Variants in PRKD1 observed in about 807,000 individuals in gnomAD.
The protein encoded by PRKD1 is serine/threonine-protein kinase D1.
PRKD1 carries 63 observed loss-of-function variants against 95.9 expected under a neutral mutation model. That is an observed-to-expected ratio of 0.66 (90% CI 0.54 to 0.81). The LOEUF is 0.81. Among genes scored for constraint, PRKD1 ranks in the 30% least tolerant of loss-of-function variants. The probability of loss-of-function intolerance (pLI) is 0.00; values close to 1 mark genes in which losing one functional copy is unlikely to be tolerated. For synonymous variants in PRKD1, 425 were observed against 423.1 expected, an observed-to-expected ratio of 1.00 and a Z score of -0.05; for missense variants, 1,048 against 1,165.3, an observed-to-expected ratio of 0.90 and a Z score of 1.47.
intron 1 of PRKD1, among the ~76,000 whole-genome samples, chr14:29,776,012 G>C (rs567964348): frequency 6.6e-6 from 1 of 152,108 alleles, no homozygotes; most frequent in East Asian, 1.9e-4. Flanking sequence ...TGCAGCCTCC[G>C]TTGGTGGTAC....
intron 1 of PRKD1, among the ~76,000 whole-genome samples, chr14:29,735,358 T>C (rs908156471): frequency 1.3e-5 from 2 of 152,218 alleles, no homozygotes; most frequent in African/African-American, 2.4e-5. Context: ...AGGTTGTCCC[T>C]GATTAGAAAA....
intron 7 of PRKD1, among the ~76,000 whole-genome samples, chr14:29,635,884 T>C (rs192560115): frequency 4.1e-4 from 63 of 152,258 alleles, no homozygotes; most frequent in African/African-American, 1.4e-3. Context: ...AACAGTGAAG[T>C]GTACACAGAC....
At chr14:29,671,287 T>G (rs754772484) in intron 2 of PRKD1, among the ~76,000 whole-genome samples, 1 of 152,106 alleles carries the variant, frequency 6.6e-6, no homozygotes, top group Non-Finnish European at 1.5e-5. Context: ...GGGAACTGTC[T>G]GATGAGCTCA....
chr14:29,706,514 C>T (rs930407800), intron 2 of PRKD1, among the ~76,000 whole-genome samples: 27 of 152,034 alleles, frequency 1.8e-4, no homozygotes, highest in African/African-American at 6.5e-4. Flanking sequence ...AATTTAAATT[C>T]AAATCTGACT....
intron 4 of PRKD1, among the ~76,000 whole-genome samples, chr14:29,661,916 A>G (rs1484254951): frequency 1.3e-5 from 2 of 152,204 alleles, no homozygotes; most frequent in African/African-American, 4.8e-5. Flanking sequence ...TATAAAATAG[A>G]TTTTAAGCAT....
intron 1 of PRKD1, among the ~76,000 whole-genome samples, chr14:29,877,607 T>A (rs1893346407): frequency 6.6e-6 from 1 of 152,188 alleles, no homozygotes; most frequent in Non-Finnish European, 1.5e-5. Flanking sequence ...TCTTCCAGGG[T>A]TTTTATAGTT....
At chr14:29,927,227 T>C in intron 1 of PRKD1, 22 bp downstream of exon 1, 1 of 1,475,582 alleles carries the variant, frequency 6.8e-7, no homozygotes, top group Non-Finnish European at 9.0e-7. Context: ...GGCGCCGGGC[T>C]GGCAGCGGTG....
chr14:29,767,828 CAAT>C (rs1888323580), intron 1 of PRKD1, among the ~76,000 whole-genome samples: 4 of 152,110 alleles, frequency 2.6e-5, no homozygotes, highest in Admixed American at 2.6e-4. Flanking sequence ...ATTTCAATCA[CAAT>C]AATATTTTGT....
intron 1 of PRKD1, among the ~76,000 whole-genome samples, chr14:29,766,994 C>A (rs1555342847): frequency 6.6e-6 from 1 of 152,076 alleles, no homozygotes; most frequent in African/African-American, 2.4e-5. Flanking sequence ...TTATTTATGA[C>A]ACACTCTCAA....
chr14:29,684,200 G>T (rs1488195512), intron 2 of PRKD1, among the ~76,000 whole-genome samples: 1 of 150,494 alleles, frequency 6.6e-6, no homozygotes, highest in East Asian at 1.9e-4. Flanking sequence ...GCCCAGGCTG[G>T]AGTGAAGTGG....
At chr14:29,751,402 A>C (rs988679870) in intron 1 of PRKD1, among the ~76,000 whole-genome samples, 1 of 152,140 alleles carries the variant, frequency 6.6e-6, no homozygotes, top group Admixed American at 6.5e-5. Context: ...TGAGGCATGC[A>C]CATTAAGCTC....
At chr14:29,594,239 T>C (rs1024262565) in intron 16 of PRKD1, 1 of 382,270 alleles carries the variant, frequency 2.6e-6, no homozygotes, top group Non-Finnish European at 5.1e-6. Flanking sequence ...GTTATTAAGA[T>C]TGTAACTTAT....
rs777521591 is a variant in PRKD1 at position 29,577,261 on chromosome 14, C to T, written c.2716G>A (p.Gly906Ser). 1.0e-4 allele frequency: 161 copies of T among 1,613,252 alleles called. No individual in the cohort carries two copies. Among genetic ancestry groups the T allele is most frequent in the Non-Finnish European group, 1.3e-4 (149 of 1,179,620 alleles). The change falls in exon 18 of 18, where the codon GGT becomes AGT. Residue 906 changes from glycine to serine, a missense_variant. This residue lies in a region of PRKD1 where 739 missense variants were observed against 861.9 expected (regional missense o/e 0.86). Coordinates refer to ENST00000331968, the MANE Select transcript of PRKD1 (RefSeq NM_002742.3). Reference protein sequence around the residue: ...ETEETEMKALGERVSIL With the variant: ...ETEETEMKALSERVSIL ...ACTCAGAGGATGCTGACACGCTCAC[C>T]GAGGGCTTTCATTTCTGTTTCTTCA...
chr14:29,626,598 C>T (rs757383653), intron 11 of PRKD1, 42 bp from the exon 12 acceptor site: 2 of 1,325,022 alleles, frequency 1.5e-6, no homozygotes, highest in South Asian at 3.2e-5. Context: ...TGAAGCAGAA[C>T]AAAACATTAG....
At chr14:29,758,604 C>G (rs11848573) in intron 1 of PRKD1, among the ~76,000 whole-genome samples, 33,963 of 152,074 alleles carry the variant, frequency 0.22, 4,021 homozygotes, top group African/African-American at 0.27. Flanking sequence ...ATCTTATTTG[C>G]AAAAGGTCAA....
chr14:29,872,868 C>G (rs189948564), intron 1 of PRKD1, among the ~76,000 whole-genome samples: 1 of 152,210 alleles, frequency 6.6e-6, no homozygotes, highest in Non-Finnish European at 1.5e-5. Flanking sequence ...AGCCATTTGT[C>G]AGTTTCCCTT....
intron 1 of PRKD1, among the ~76,000 whole-genome samples, chr14:29,903,305 T>A (rs1894383835): frequency 6.6e-6 from 1 of 152,216 alleles, no homozygotes; most frequent in South Asian, 2.1e-4. Flanking sequence ...CTGCATTTCA[T>A]TAATGCAATA....
chr14:29,704,104 G>C (rs1038452395), intron 2 of PRKD1, among the ~76,000 whole-genome samples: 2 of 152,090 alleles, frequency 1.3e-5, no homozygotes, highest in African/African-American at 4.8e-5. Context: ...TCGACAAAGA[G>C]TTTTTGGACT....
chr14:29,794,144 T>A (rs1369685269), intron 1 of PRKD1, among the ~76,000 whole-genome samples: 1 of 152,080 alleles, frequency 6.6e-6, no homozygotes, highest in Non-Finnish European at 1.5e-5. Flanking sequence ...AAAAGGAGGC[T>A]CAGAATTTTT....
Sources: gnomAD v4.1 joint callset for allele counts (sites outside exome capture counted in the v4.1 genomes callset) on GRCh38, gnomAD v4.1.1 for gene constraint, gnomAD v4.1.1 regional missense constraint, MANE v1.5 for transcripts, NCBI Gene and HGNC (gene_info 2026-07-23, HGNC 2026-07-21) for gene names.